The following WHAMM variants were observed in gnomAD, a reference collection of about 807,000 sequenced individuals.
The protein encoded by WHAMM is WASP homolog-associated protein with actin, membranes and microtubules.
In WHAMM, 67 loss-of-function variants were observed where a neutral mutation model predicts 76.5. The ratio of observed to expected loss-of-function variants is 0.88; its 90% CI spans 0.72 to 1.07. WHAMM has a LOEUF of 1.07. Ranked by LOEUF, WHAMM falls within the 50% of genes least tolerant of loss-of-function variation. The pLI, the probability that WHAMM is intolerant of heterozygous loss-of-function variation, is 0.00. For synonymous variants in WHAMM, 419 were observed against 422.1 expected (o/e 0.99, Z 0.09); for missense variants, 1,021 against 1,051.1 (o/e 0.97, Z 0.40).
chr15:82,811,902 G>A (rs1227610297), intron 1 of WHAMM, among the ~76,000 whole-genome samples: 1 of 151,912 alleles, frequency 6.6e-6, no homozygotes, highest in East Asian at 1.9e-4. Context: ...ATAGCTGAAA[G>A]TAGATCACTT....
intron 1 of WHAMM, 57 bp downstream of exon 1, chr15:82,810,392 G>C: frequency 2.4e-6 from 3 of 1,245,726 alleles, no homozygotes; most frequent in Non-Finnish European, 3.0e-6. Flanking sequence ...GGGACACTGT[G>C]GGAGGCTCCC....
At chr15:82,813,645 G>T (rs1198933329) in intron 2 of WHAMM, among the ~76,000 whole-genome samples, 5 of 114,294 alleles carry the variant, frequency 4.4e-5, no homozygotes, top group Admixed American at 1.9e-4. Flanking sequence ...TTCTGGTGAT[G>T]AATTTTTTTT....
Position 82,810,258 on chromosome 15 carries a change from G to T in WHAMM, c.532G>T (p.Asp178Tyr), listed in dbSNP as rs2050604739. Residue 178 changes from aspartate to tyrosine, a missense_variant, in exon 1 of 10, where the codon GAC becomes TAC. By Grantham distance (160) the Asp-to-Tyr change is radical. Transcript: ENST00000286760. ...ALFPAEGGAA[D>Y]CESPREFRER... ...CTTCCCGGCTGAGGGCGGCGCGGCCGACTGCGAAAGCCCGCGCGAGTTCCG... is the reference window on the plus strand; with the variant it reads ...CTTCCCGGCTGAGGGCGGCGCGGCCTACTGCGAAAGCCCGCGCGAGTTCCG... 3.6e-6 allele frequency: 5 copies of T among 1,388,884 alleles called. No homozygotes were observed. The South Asian group carries it at 4.6e-5, about 13-fold the overall frequency. The allele number at this position is 1,388,884 out of a possible 1,614,324, so 86.0% of individuals were successfully genotyped here. A position where few individuals can be genotyped will look rare whatever the true frequency, so the allele number is the denominator to read the frequency against.
At chr15:82,825,909 CTG>C (rs2050923441) in intron 6 of WHAMM, among the ~76,000 whole-genome samples, 1 of 152,054 alleles carries the variant, frequency 6.6e-6, no homozygotes, top group Admixed American at 6.6e-5. Context: ...TTAGTATTAT[CTG>C]TATTACTGTA....
intron 4 of WHAMM, 139 bp downstream of exon 4, chr15:82,818,228 T>C (rs2050760395): frequency 3.6e-6 from 3 of 838,594 alleles, no homozygotes; most frequent in Non-Finnish European, 3.7e-6. Flanking sequence ...TTTAGTGTAA[T>C]CATCACCTGT....
rs201736265 is a variant in WHAMM, at chr15:82,813,271, A to G, written c.778A>G (p.Ile260Val). ...AGTTGCAACTTTATGTAAGCTTGATATTTTGGTATGTTTTTTTAAAATTTT... is the reference window on the plus strand; with the variant it reads ...AGTTGCAACTTTATGTAAGCTTGATGTTTTGGTATGTTTTTTTAAAATTTT... ...REVATLCKLD[I>V]LKSLDEDDLG... Residue 260 changes from isoleucine (I) to valine (V), a missense_variant, in exon 2 of 10, where the codon ATT becomes GTT. By Grantham distance (29) the Ile-to-Val change is conservative. Transcript: ENST00000286760. 39 of 1,544,400 alleles carry G rather than the reference A, an allele frequency of 2.5e-5. No individual in the cohort carries two copies. Among genetic ancestry groups the G allele is most frequent in the Non-Finnish European group, 3.2e-5 (37 of 1,149,208 alleles).
rs71451663 is a variant in WHAMM, at chr15:82,822,810, A to ATGTGTG, written c.1271-280_1271-275dup. 1.1e-3 allele frequency among the ~76,000 whole-genome samples: 169 copies of ATGTGTG among 150,690 alleles called. 1 individual carries two copies. The East Asian group carries it at 0.014, about 13-fold the overall frequency. On this transcript the variant is annotated intron_variant, in intron 5 of 9. Coordinates refer to ENST00000286760, the MANE Select transcript of WHAMM (RefSeq NM_001080435.3). ...TGATATGTGTAGCTATGTAAGTAGT[A>ATGTGTG]TGTGTGTGTGTGTGTATATATATAT...
chr15:82,822,001 A>G (rs1226309131), intron 5 of WHAMM, among the ~76,000 whole-genome samples: 3 of 152,242 alleles, frequency 2.0e-5, no homozygotes, highest in African/African-American at 7.2e-5. Context: ...GAAAAAAATT[A>G]CATTAAAAAA....
intron 8 of WHAMM, among the ~76,000 whole-genome samples, chr15:82,830,053 T>A (rs923892199): frequency 6.6e-6 from 1 of 152,200 alleles, no homozygotes; most frequent in African/African-American, 2.4e-5. Context: ...TCCACTTGGA[T>A]GTCGACTGTG....
chr15:82,833,278 C>T lies in WHAMM; in HGVS notation c.2172C>T (p.Leu724=). Residue 724 remains leucine, a synonymous_variant, in exon 10 of 10, where the codon CTC becomes CTT. Transcript: ENST00000286760. The part of the protein sequence containing the change: ...LASLRHGRAP[L]RKVEVPAVRP... Reference sequence around the variant, plus strand: ...CCTTAAGGCATGGCAGAGCTCCTCTCCGGAAGGTGGAAGTGCCGGCGGTGC... The same window carrying T: ...CCTTAAGGCATGGCAGAGCTCCTCTTCGGAAGGTGGAAGTGCCGGCGGTGC... The T allele has an allele frequency of 1.9e-6, 3 of 1,613,970 alleles. No individual in the cohort carries two copies. Among genetic ancestry groups the T allele is most frequent in the Non-Finnish European group, 2.5e-6 (3 of 1,179,872 alleles).
chr15:82,822,886 G>T (rs1971555), intron 5 of WHAMM, among the ~76,000 whole-genome samples: 73,335 of 151,306 alleles, frequency 0.48, 17,863 homozygotes, highest in South Asian at 0.52. Context: ...ACACTACATG[G>T]ATATACACAC....
chr15:82,823,001 G>C (rs2050860690), intron 5 of WHAMM, 99 bp from the exon 6 acceptor site: 1 of 1,010,494 alleles, frequency 9.9e-7, no homozygotes, highest in Non-Finnish European at 1.3e-6. Context: ...CTCAGTGGTG[G>C]GATTACAAGT....
In WHAMM at chr15:82,816,844, TG is replaced by T. The variant is rs780550663; in HGVS notation, c.934+3del. 1 of 1,550,752 alleles carries T rather than the reference TG, an allele frequency of 6.4e-7. No homozygotes were observed. Among genetic ancestry groups the T allele is most frequent in the Non-Finnish European group, 8.7e-7 (1 of 1,148,620 alleles). On this transcript the variant is annotated splice_donor_region_variant and intron_variant, in intron 3 of 9. Coordinates refer to ENST00000286760, the MANE Select transcript of WHAMM (RefSeq NM_001080435.3). ...AGGAGACAGTAAAAGCATTAGCAGGTGATAATTTAAAAAATGCTATATGAAG... is the reference window on the plus strand; with the variant it reads ...AGGAGACAGTAAAAGCATTAGCAGGTATAATTTAAAAAATGCTATATGAAG...
intron 6 of WHAMM, 29 bp from the exon 7 acceptor site, chr15:82,826,381 C>T (rs767729029): frequency 1.1e-5 from 17 of 1,611,750 alleles, no homozygotes; most frequent in Admixed American, 1.7e-5. Flanking sequence ...TATTAAAAAC[C>T]ATGTAGGTGA....
intron 4 of WHAMM, among the ~76,000 whole-genome samples, chr15:82,818,632 G>A (rs1566993491): frequency 6.6e-6 from 1 of 152,196 alleles, no homozygotes; most frequent in Non-Finnish European, 1.5e-5. Flanking sequence ...ATACTTCACT[G>A]CATAGTCACT....
intron 9 of WHAMM, among the ~76,000 whole-genome samples, chr15:82,832,337 T>C (rs1418911822): frequency 6.6e-6 from 1 of 152,236 alleles, no homozygotes; most frequent in African/African-American, 2.4e-5. Context: ...AAATAGCCTT[T>C]TGTTAGCCAC....
At chr15:82,823,897 ACT>A (rs1453085405) in intron 6 of WHAMM, among the ~76,000 whole-genome samples, 1 of 151,864 alleles carries the variant, frequency 6.6e-6, no homozygotes, top group Non-Finnish European at 1.5e-5. Context: ...ATAGGTAGAA[ACT>A]CTATTTCTAA....
intron 5 of WHAMM, among the ~76,000 whole-genome samples, chr15:82,819,882 T>C (rs1458079118): frequency 6.6e-6 from 1 of 152,070 alleles, no homozygotes; most frequent in Non-Finnish European, 1.5e-5. Context: ...CAAAGTCCAG[T>C]GTGGTGGCAC....
intron 8 of WHAMM, among the ~76,000 whole-genome samples, chr15:82,828,423 G>C (rs1024892726): frequency 6.6e-6 from 1 of 152,150 alleles, no homozygotes; most frequent in African/African-American, 2.4e-5. Flanking sequence ...GCCTGGGTGT[G>C]AACTGCAGCA....
Sources: gnomAD v4.1 joint callset for allele counts (sites outside exome capture counted in the v4.1 genomes callset) on GRCh38, gnomAD v4.1.1 for gene constraint, MANE v1.5 for transcripts, NCBI Gene and HGNC (gene_info 2026-07-23, HGNC 2026-07-21) for gene names.